The following NEGR1 variants were observed in gnomAD, a reference collection of about 807,000 sequenced individuals.
The protein encoded by NEGR1 is IgLON family member 4.
In NEGR1, 10 loss-of-function variants were observed where a neutral mutation model predicts 40.9. The ratio of observed to expected loss-of-function variants is 0.24; its 90% CI spans 0.15 to 0.42. NEGR1 has a LOEUF of 0.42. NEGR1 is among the 10% of genes least tolerant of loss of function. The probability of loss-of-function intolerance (pLI) is 1.00; values close to 1 mark genes in which losing one functional copy is unlikely to be tolerated. For missense variants in NEGR1, 352 were observed against 438.9 expected (o/e 0.80, Z 1.77); for synonymous variants, 185 against 166.8 (o/e 1.11, Z -0.84).
rs1266386584 is a variant in NEGR1, at chr1:71,647,785, T to C, written c.668-36639A>G. 3.9e-4 allele frequency among the ~76,000 whole-genome samples: 59 copies of C among 152,004 alleles called. 1 individual carries two copies. Among genetic ancestry groups the C allele is most frequent in the Non-Finnish European group, 7.4e-5 (5 of 67,922 alleles). ...ATTGAACACATGATCTCAATCTTAT[T>C]AGCACTATATACTGAACTACAGCAG... On this transcript the variant is annotated intron_variant, in intron 4 of 6. Coordinates refer to ENST00000357731, the MANE Select transcript of NEGR1 (RefSeq NM_173808.3).
rs57139977 is a variant in NEGR1, at chr1:71,853,907, A to G, written c.410-77610T>C. Among the ~76,000 whole-genome samples, 1,035 of 152,220 alleles carry G rather than the reference A, an allele frequency of 6.8e-3. 7 individuals carry two copies. The highest frequency in any genetic ancestry group is 0.024 in the African/African-American group (979 of 41,546). On this transcript the variant is annotated intron_variant, in intron 2 of 6. Transcript: ENST00000357731. ...ATGTGTTTAGTTCAGAGCAAAATGGATCAATTATGAAATGTGCAAAACAAA... is the reference window on the plus strand; with the variant it reads ...ATGTGTTTAGTTCAGAGCAAAATGGGTCAATTATGAAATGTGCAAAACAAA...
chr1:71,447,139 A>G (rs1646587839), intron 6 of NEGR1, among the ~76,000 whole-genome samples: 1 of 152,258 alleles, frequency 6.6e-6, no homozygotes, highest in Non-Finnish European at 1.5e-5. Context: ...GCCTCCTGTC[A>G]GATCAGTGGC....
intron 3 of NEGR1, among the ~76,000 whole-genome samples, chr1:71,702,831 A>C (rs2101633747): frequency 6.6e-6 from 1 of 152,052 alleles, no homozygotes; most frequent in South Asian, 2.1e-4. Flanking sequence ...ATTAATATTC[A>C]TGGCTTTCTA....
intron 4 of NEGR1, among the ~76,000 whole-genome samples, chr1:71,626,858 AAAG>A (rs1182474227): frequency 2.6e-5 from 4 of 152,308 alleles, no homozygotes; most frequent in South Asian, 4.1e-4. Context: ...ACACTTCTCA[AAAG>A]AAGACTTTAT....
intron 6 of NEGR1, among the ~76,000 whole-genome samples, chr1:71,431,380 G>A (rs1646467403): frequency 6.6e-6 from 1 of 152,172 alleles, no homozygotes; most frequent in South Asian, 2.1e-4. Flanking sequence ...TGTCTATGCA[G>A]ACTAAAGCTC....
chr1:71,589,320 C>T (rs1649420379), intron 6 of NEGR1, among the ~76,000 whole-genome samples: 1 of 152,142 alleles, frequency 6.6e-6, no homozygotes, highest in South Asian at 2.1e-4. Flanking sequence ...TCTTCCTAGG[C>T]TCACTCGATG....
intron 1 of NEGR1, among the ~76,000 whole-genome samples, chr1:72,131,853 T>A (rs1234589514): frequency 6.6e-6 from 1 of 152,114 alleles, no homozygotes; most frequent in Non-Finnish European, 1.5e-5. Context: ...TCCCAGCACT[T>A]TGGGAGGCTG....
chr1:71,484,776 T>C (rs940002691), intron 6 of NEGR1: 1 of 151,700 alleles, frequency 6.6e-6, no homozygotes, highest in Non-Finnish European at 1.5e-5. Flanking sequence ...GTCTAACTCC[T>C]TCTTTGCAGG....
intron 1 of NEGR1, among the ~76,000 whole-genome samples, chr1:71,940,757 T>C (rs1645951098): frequency 6.6e-6 from 1 of 152,118 alleles, no homozygotes; most frequent in Admixed American, 6.5e-5. Flanking sequence ...GGTGATTAAA[T>C]TGGAAAGGTG....
intron 1 of NEGR1, among the ~76,000 whole-genome samples, chr1:72,161,944 T>C (rs1651580163): frequency 6.6e-6 from 1 of 151,804 alleles, no homozygotes; most frequent in Non-Finnish European, 1.5e-5. Flanking sequence ...CACTTGCCTC[T>C]GCCTCCCAAA....
At chr1:71,881,765 C>A (rs1427145168) in intron 2 of NEGR1, among the ~76,000 whole-genome samples, 1 of 152,098 alleles carries the variant, frequency 6.6e-6, no homozygotes, top group Non-Finnish European at 1.5e-5. Context: ...GAGTTTCCAA[C>A]TGAATTATTT....
intron 3 of NEGR1, among the ~76,000 whole-genome samples, chr1:71,747,110 T>C (rs985697684): frequency 2.0e-5 from 3 of 152,122 alleles, no homozygotes; most frequent in Non-Finnish European, 2.9e-5. Flanking sequence ...CTCTAGTGAA[T>C]AGTAAAATAC....
chr1:72,047,639 T>G (rs1275058169), intron 1 of NEGR1, among the ~76,000 whole-genome samples: 1 of 151,352 alleles, frequency 6.6e-6, no homozygotes, highest in Non-Finnish European at 1.5e-5. Context: ...TTGAGTTTGA[T>G]CAGTATGTAT....
At chr1:72,003,730 C>T (rs932985425) in intron 1 of NEGR1, among the ~76,000 whole-genome samples, 50 of 152,066 alleles carry the variant, frequency 3.3e-4, no homozygotes, top group Admixed American at 3.1e-3. Context: ...AGAAAAAGCA[C>T]TTTGATAGGA....
chr1:72,199,142 T>TAGATAGAGAGAGAGAGAGAG (rs1268615373), intron 1 of NEGR1, among the ~76,000 whole-genome samples: 1 of 143,066 alleles, frequency 7.0e-6, no homozygotes, highest in African/African-American at 2.6e-5. Flanking sequence ...TCTATCTAGA[T>TAGATAGAGAGAGAGAGAGAG]AGACAGACAG....
rs1191595831 is a variant in NEGR1, at chr1:71,906,441, A to AT, written c.409+28637_409+28638insA. On this transcript the variant is annotated intron_variant, in intron 2 of 6. Transcript: ENST00000357731. The stretch of plus-strand genomic sequence containing the variant: ...AAAATAAAATAAATAAAAATATATA[A>AT]AGATGAGAATATGAATAATTTCCCT... Among the ~76,000 whole-genome samples the AT allele has an allele frequency of 4.6e-5, 7 of 151,642 alleles. No homozygotes were observed. The South Asian group carries it at 1.2e-3, about 27-fold the overall frequency.
intron 2 of NEGR1, among the ~76,000 whole-genome samples, chr1:71,901,274 A>G (rs1661136422): frequency 6.6e-6 from 1 of 152,220 alleles, no homozygotes. Context: ...TGCCATAGCA[A>G]CTACTATTGC....
At chr1:71,814,869 C>A (rs1377372174) in intron 2 of NEGR1, among the ~76,000 whole-genome samples, 1 of 151,952 alleles carries the variant, frequency 6.6e-6, no homozygotes, top group East Asian at 1.9e-4. Flanking sequence ...CTCCTGGCTT[C>A]ATTGATTTTT....
At chr1:71,543,407 C>T (rs1426665912) in intron 6 of NEGR1, among the ~76,000 whole-genome samples, 3 of 151,520 alleles carry the variant, frequency 2.0e-5, no homozygotes, top group African/African-American at 7.3e-5. Context: ...CGTATAAAAC[C>T]CGTCTTAAAA....
Sources: allele counts gnomAD v4.1 joint callset (sites outside exome capture counted in the v4.1 genomes callset), GRCh38; gene constraint gnomAD v4.1.1; transcripts MANE v1.5; gene names NCBI Gene and HGNC (gene_info 2026-07-23, HGNC 2026-07-21).